The following IL1RAPL2 variants were observed in gnomAD, a reference collection of about 807,000 sequenced individuals.
IL1RAPL2 encodes interleukin 1 receptor accessory protein like 2.
Under a neutral mutation model 44.1 loss-of-function variants are expected in IL1RAPL2, and 3 were observed. The ratio of observed to expected loss-of-function variants is 0.07; its 90% CI spans 0.03 to 0.18. The LOEUF is 0.18. IL1RAPL2 is among the 10% of genes least tolerant of loss of function. The pLI is 1.00. For synonymous variants in IL1RAPL2, 181 were observed against 178.8 expected, an observed-to-expected ratio of 1.01 and a Z score of -0.10; for missense variants, 391 against 496.4, an observed-to-expected ratio of 0.79 and a Z score of 2.02.
At chrX:105,582,291 CTCT>C (rs1322616965) in intron 6 of IL1RAPL2, among the ~76,000 whole-genome samples, 1 of 110,780 alleles carries the variant, frequency 9.0e-6, no homozygotes, top group Non-Finnish European at 1.9e-5. Context: ...TTTTGTTTTG[CTCT>C]TCTAAGTCTT....
intron 1 of IL1RAPL2, among the ~76,000 whole-genome samples, chrX:104,658,477 CA>C (rs1251235916): frequency 9.0e-6 from 1 of 111,179 alleles, no homozygotes; most frequent in African/African-American, 3.3e-5. Context: ...GGGTGGGAGG[CA>C]GGGGGAGGAA....
chrX:105,335,637 A>G (rs964321397), intron 5 of IL1RAPL2, among the ~76,000 whole-genome samples: 1 of 111,434 alleles, frequency 9.0e-6, no homozygotes, highest in African/African-American at 3.3e-5. Flanking sequence ...TATGAAACCC[A>G]TTTATACTGG....
chrX:105,634,527 G>C (rs1460872820), intron 6 of IL1RAPL2, among the ~76,000 whole-genome samples: 1 of 111,600 alleles, frequency 9.0e-6, no homozygotes, highest in East Asian at 2.8e-4. Flanking sequence ...TTGTCAAATA[G>C]GATTTGATGT....
At chrX:104,863,869 G>A (rs1228502953) in intron 2 of IL1RAPL2, among the ~76,000 whole-genome samples, 2 of 112,203 alleles carry the variant, frequency 1.8e-5, no homozygotes, top group Non-Finnish European at 3.8e-5. Context: ...CATATTTTGA[G>A]TTGAATGATG....
At chrX:104,809,750 A>AT (rs771681235) in intron 2 of IL1RAPL2, among the ~76,000 whole-genome samples, 2,530 of 110,935 alleles carry the variant, frequency 0.023, 69 homozygotes, top group African/African-American at 0.08. Context: ...CCATTTGTCA[A>AT]TTTTGTCTTT....
At chrX:105,667,292 G>A (rs1013441828) in intron 6 of IL1RAPL2, among the ~76,000 whole-genome samples, 8 of 111,734 alleles carry the variant, frequency 7.2e-5, no homozygotes, top group African/African-American at 2.6e-4. Context: ...TTCAGGACCG[G>A]GTAAAGCAGT....
chrX:105,195,456 T>A lies in IL1RAPL2; in HGVS notation c.83-19T>A. 8.3e-7 allele frequency: 1 copy of A among 1,207,551 alleles called. No individual in the cohort carries two copies. The highest frequency in any genetic ancestry group is 1.1e-6 in the Non-Finnish European group (1 of 891,867). ...AACAATGCTCACTGTATCTTATACCTCTTCTGATTTTCTTTCAGTGGATGG... is the reference window on the plus strand; with the variant it reads ...AACAATGCTCACTGTATCTTATACCACTTCTGATTTTCTTTCAGTGGATGG... On this transcript the variant is annotated intron_variant, in intron 2 of 10. Transcript: ENST00000372582.
At chrX:105,570,461 C>T (rs1031338471) in intron 6 of IL1RAPL2, among the ~76,000 whole-genome samples, 3 of 111,472 alleles carry the variant, frequency 2.7e-5, no homozygotes, top group African/African-American at 9.8e-5. Flanking sequence ...GGGTAGATAC[C>T]CACTAGTGGG....
At chrX:105,670,124 TATATATATA>T (rs2037807319) in intron 6 of IL1RAPL2, among the ~76,000 whole-genome samples, 1 of 46,670 alleles carries the variant, frequency 2.1e-5, no homozygotes, top group Non-Finnish European at 4.5e-5. Flanking sequence ...TATATATATA[TATATATATA>T]TATATATATA....
intron 2 of IL1RAPL2, among the ~76,000 whole-genome samples, chrX:104,865,080 C>T (rs1922583498): frequency 9.0e-6 from 1 of 111,202 alleles, no homozygotes; most frequent in Non-Finnish European, 1.9e-5. Context: ...CACATTGGCT[C>T]CCTGACTGGT....
At chrX:104,756,850 G>A (rs1932347982) in intron 2 of IL1RAPL2, among the ~76,000 whole-genome samples, 2 of 109,625 alleles carry the variant, frequency 1.8e-5, no homozygotes, top group African/African-American at 6.6e-5. Context: ...AATATTTCAA[G>A]CAGTGGAAGC....
At chrX:104,634,171 T>C (rs1929730664) in intron 1 of IL1RAPL2, among the ~76,000 whole-genome samples, 1 of 111,785 alleles carries the variant, frequency 8.9e-6, no homozygotes, top group Admixed American at 9.5e-5. Context: ...AGTTTCTTAA[T>C]CCTGAGTTCT....
At chrX:104,794,765 G>A (rs1305618665) in intron 2 of IL1RAPL2, among the ~76,000 whole-genome samples, 5 of 111,833 alleles carry the variant, frequency 4.5e-5, no homozygotes, top group Non-Finnish European at 9.4e-5. Context: ...GGATGGAAGC[G>A]TTGATAGTAC....
intron 5 of IL1RAPL2, among the ~76,000 whole-genome samples, chrX:105,441,675 T>G (rs1281317182): frequency 2.7e-5 from 3 of 111,863 alleles, no homozygotes; most frequent in Non-Finnish European, 5.6e-5. Flanking sequence ...ATTATCAATG[T>G]CAAATTAAGA....
Position 105,087,335 on chromosome X carries a change from C to G in IL1RAPL2, c.83-108140C>G, listed in dbSNP as rs192557133. Among the ~76,000 whole-genome samples the G allele has an allele frequency of 2.9e-3, 329 of 111,737 alleles. 2 individuals carry two copies. Among genetic ancestry groups the G allele is most frequent in the African/African-American group, 0.01 (311 of 30,855 alleles). On this transcript the variant is annotated intron_variant, in intron 2 of 10. Transcript: ENST00000372582. The stretch of plus-strand genomic sequence containing the variant: ...TTAATATATCATATGTTATTTCCCC[C>G]TCTTCCATCTTCCCTATCAAATAAG...
intron 5 of IL1RAPL2, among the ~76,000 whole-genome samples, chrX:105,278,347 A>G (rs942302765): frequency 1.8e-5 from 2 of 111,476 alleles, no homozygotes; most frequent in African/African-American, 6.5e-5. Context: ...TGCTGGGGGA[A>G]GGGATTCTTA....
At chrX:105,446,379 C>T (rs1448158296) in intron 5 of IL1RAPL2, among the ~76,000 whole-genome samples, 1 of 110,506 alleles carries the variant, frequency 9.0e-6, no homozygotes, top group Admixed American at 9.7e-5. Context: ...GAGTTTAATC[C>T]ACCTACATAC....
At chrX:104,884,581 A>AT (rs147929377) in intron 2 of IL1RAPL2, among the ~76,000 whole-genome samples, 37,118 of 109,923 alleles carry the variant, frequency 0.34, 5,547 homozygotes, top group East Asian at 0.45. Flanking sequence ...GAGGTGGCTC[A>AT]TTTTTTTCTG....
chrX:104,716,895 A>G lies in IL1RAPL2; in HGVS notation c.82+57900A>G, dbSNP rs779352658. Among the ~76,000 whole-genome samples, 54 of 112,011 alleles carry G rather than the reference A, an allele frequency of 4.8e-4. 1 individual carries two copies. Among genetic ancestry groups the G allele is most frequent in the South Asian group, 2.6e-3 (7 of 2,711 alleles). Reference sequence around the variant, plus strand: ...CTCAAAGACCTAAAACAGAAATACCATTAGACCCAGCAATCCCATTACTGG... The same window carrying G: ...CTCAAAGACCTAAAACAGAAATACCGTTAGACCCAGCAATCCCATTACTGG... On this transcript the variant is annotated intron_variant, in intron 2 of 10. Coordinates refer to ENST00000372582, the MANE Select transcript of IL1RAPL2 (RefSeq NM_017416.2).
Sources: allele counts gnomAD v4.1 joint callset (sites outside exome capture counted in the v4.1 genomes callset), GRCh38; gene constraint gnomAD v4.1.1; transcripts MANE v1.5; gene names NCBI Gene and HGNC (gene_info 2026-07-23, HGNC 2026-07-21).